Variants in PRTFDC1 observed in about 807,000 individuals in gnomAD.
The protein encoded by PRTFDC1 is phosphoribosyl transferase domain containing 1.
PRTFDC1 carries 38 observed loss-of-function variants against 34.6 expected under a neutral mutation model. That is an observed-to-expected ratio of 1.10 (90% CI 0.85 to 1.44). PRTFDC1 has a LOEUF of 1.44. Ranked by LOEUF, PRTFDC1 falls within the 40% of genes most tolerant of loss-of-function variation. The pLI, the probability that PRTFDC1 is intolerant of heterozygous loss-of-function variation, is 0.00. For missense variants in PRTFDC1, 270 were observed against 283.0 expected (o/e 0.95, Z 0.33); for synonymous variants, 93 against 98.1 (o/e 0.95, Z 0.31).
At chr10:24,920,678 G>A (rs150899055) in intron 3 of PRTFDC1, among the ~76,000 whole-genome samples, 2,909 of 152,034 alleles carry the variant, frequency 0.019, 106 homozygotes, top group African/African-American at 0.067. Context: ...CATGTATCCT[G>A]GAACTTAAAA....
At chr10:24,889,042 A>T (rs576124121) in intron 3 of PRTFDC1, among the ~76,000 whole-genome samples, 1 of 152,188 alleles carries the variant, frequency 6.6e-6, no homozygotes, top group African/African-American at 2.4e-5. Flanking sequence ...ACCCTGCCCC[A>T]AATTCAGATG....
intron 3 of PRTFDC1, among the ~76,000 whole-genome samples, chr10:24,894,979 G>A (rs1026838532): frequency 4.6e-5 from 7 of 152,122 alleles, no homozygotes; most frequent in Non-Finnish European, 1.0e-4. Flanking sequence ...CAGAGAAGCC[G>A]AGTGGTTCAT....
intron 7 of PRTFDC1, among the ~76,000 whole-genome samples, chr10:24,854,050 T>C (rs542602398): frequency 1.3e-5 from 2 of 152,312 alleles, no homozygotes; most frequent in South Asian, 4.1e-4. Context: ...AGAGAGCTAT[T>C]GTGTGGATGA....
chr10:24,886,956 C>CTTTTTTTTTTTTTT lies in PRTFDC1; in HGVS notation c.340-14907_340-14894dup, dbSNP rs57910963. On this transcript the variant is annotated intron_variant, in intron 3 of 8. Transcript: ENST00000320152. ...TCTTTGTATCTTGTTAATACTCCTTCTTTTTTTTTTTTTTTTTTTTTTTTT... is the reference window on the plus strand; with the variant it reads ...TCTTTGTATCTTGTTAATACTCCTTCTTTTTTTTTTTTTTTTTTTTTTTTTTTTTTTTTTTTTTT... Among the ~76,000 whole-genome samples the CTTTTTTTTTTTTTT allele has an allele frequency of 1.5e-4, 13 of 86,406 alleles. 1 individual carries two copies. Among genetic ancestry groups the CTTTTTTTTTTTTTT allele is most frequent in the African/African-American group, 5.4e-4 (11 of 20,480 alleles). The allele number at this position is 86,406 out of a possible 152,430, so 56.7% of individuals were successfully genotyped here.
chr10:24,949,781 C>T (rs1412855665), intron 1 of PRTFDC1, among the ~76,000 whole-genome samples: 1 of 150,706 alleles, frequency 6.6e-6, no homozygotes, highest in Non-Finnish European at 1.5e-5. Flanking sequence ...CTCTTGTTGC[C>T]TGGAGTGCAA....
rs1459114253 is a variant in PRTFDC1, at chr10:24,854,222, C to T, written c.553+1096G>A. Among the ~76,000 whole-genome samples the T allele has an allele frequency of 2.0e-5, 3 of 152,144 alleles. No individual in the cohort carries two copies. In the East Asian group the frequency reaches 5.8e-4, roughly 29 times the overall value. ...CTTCAGTTAAAATCTTATTTATACA[C>T]TGAGTATCCTGTACTATTTCCTTAG... On this transcript the variant is annotated intron_variant, in intron 7 of 8. Transcript: ENST00000320152.
intron 3 of PRTFDC1, among the ~76,000 whole-genome samples, chr10:24,918,215 C>T (rs967284137): frequency 1.3e-5 from 2 of 152,194 alleles, no homozygotes; most frequent in East Asian, 3.9e-4. Flanking sequence ...TCTTTGGTGT[C>T]ATTCATTGCA....
At chr10:24,893,898 C>T (rs906031731) in intron 3 of PRTFDC1, among the ~76,000 whole-genome samples, 7 of 152,126 alleles carry the variant, frequency 4.6e-5, no homozygotes, top group South Asian at 2.1e-4. Context: ...GCAATGCTGG[C>T]GGTAGCAGTG....
At chr10:24,912,748 G>A (rs186100170) in intron 3 of PRTFDC1, among the ~76,000 whole-genome samples, 1 of 151,850 alleles carries the variant, frequency 6.6e-6, no homozygotes, top group Non-Finnish European at 1.5e-5. Flanking sequence ...CAATCCTCGT[G>A]GCTGTAGCTT....
chr10:24,856,727 T>C (rs1248111576), intron 6 of PRTFDC1, among the ~76,000 whole-genome samples, 186 bp downstream of exon 6: 1 of 151,888 alleles, frequency 6.6e-6, no homozygotes, highest in Non-Finnish European at 1.5e-5. Context: ...CACGTCTTCT[T>C]CCCTTACTTC....
At position 24,849,562 on chromosome 10, in the gene PRTFDC1, G is replaced by A; in HGVS notation, c.*282C>T. ...ATATAATGACTGTATCAAAACAAAG[G>A]AAGGCGGAGCTCAGGAGTGTGAAGG... is the stretch of plus-strand genomic sequence containing the variant. On this transcript the variant is annotated 3_prime_UTR_variant, in exon 9 of 9. Transcript: ENST00000320152. 3.1e-6 allele frequency: 1 copy of A among 327,758 alleles called. No individual in the cohort carries two copies. The allele number at this position is 327,758 out of a possible 1,614,324, so 20.3% of individuals were successfully genotyped here.
chr10:24,876,295 GGTAGATT>G (rs1847961404), intron 3 of PRTFDC1, among the ~76,000 whole-genome samples: 1 of 151,726 alleles, frequency 6.6e-6, no homozygotes, highest in African/African-American at 2.4e-5. Context: ...TTTCCTGTCT[GGTAGATT>G]GTACAAAGAT....
At chr10:24,943,558 TTTC>T (rs1387889606) in intron 1 of PRTFDC1, among the ~76,000 whole-genome samples, 1 of 151,410 alleles carries the variant, frequency 6.6e-6, no homozygotes, top group African/African-American at 2.4e-5. Flanking sequence ...TTTTTTTTTT[TTTC>T]TCTCTCTGAG....
chr10:24,915,211 A>C (rs1343262551), intron 3 of PRTFDC1, among the ~76,000 whole-genome samples: 1 of 152,178 alleles, frequency 6.6e-6, no homozygotes, highest in East Asian at 1.9e-4. Flanking sequence ...TGATATTGGA[A>C]TTTGCACCAG....
chr10:24,908,449 C>CA, intron 3 of PRTFDC1: 1 of 1,567,846 alleles, frequency 6.4e-7, no homozygotes, highest in Non-Finnish European at 8.7e-7. Flanking sequence ...GGCTTGAAGA[C>CA]AGTGAGCCCT....
At chr10:24,861,157 C>A (rs1445284740) in intron 4 of PRTFDC1, among the ~76,000 whole-genome samples, 2 of 152,076 alleles carry the variant, frequency 1.3e-5, no homozygotes, top group African/African-American at 4.8e-5. Context: ...AAGACACTGT[C>A]AAAATTATTC....
chr10:24,853,585 A>G (rs975783834), intron 7 of PRTFDC1, among the ~76,000 whole-genome samples: 1 of 152,116 alleles, frequency 6.6e-6, no homozygotes, highest in Non-Finnish European at 1.5e-5. Context: ...TGGGCGACAG[A>G]GTCAGATTCC....
chr10:24,931,389 A>C (rs1848969490), intron 3 of PRTFDC1, among the ~76,000 whole-genome samples: 1 of 152,076 alleles, frequency 6.6e-6, no homozygotes, highest in African/African-American at 2.4e-5. Flanking sequence ...TAAAAGCATA[A>C]ATCAATGAAA....
intron 3 of PRTFDC1, among the ~76,000 whole-genome samples, chr10:24,895,210 A>C (rs905103659): frequency 5.4e-5 from 8 of 148,982 alleles, no homozygotes; most frequent in African/African-American, 2.0e-4. Flanking sequence ...TTCTATTTTT[A>C]TATCCGAGTA....
Sources: allele counts gnomAD v4.1 joint callset (sites outside exome capture counted in the v4.1 genomes callset), GRCh38; gene constraint gnomAD v4.1.1; transcripts MANE v1.5; gene names NCBI Gene and HGNC (gene_info 2026-07-23, HGNC 2026-07-21).